The following KCNQ1 variants were observed in gnomAD, a reference collection of about 807,000 sequenced individuals.
KCNQ1 encodes the protein potassium voltage-gated channel subfamily KQT member 1.
KCNQ1 carries 49 observed loss-of-function variants against 72.4 expected under a neutral mutation model. The observed-to-expected ratio is 0.68, with a 90% CI of 0.54 to 0.86. The LOEUF is 0.86. Ranked by LOEUF, KCNQ1 falls within the 40% of genes least tolerant of loss-of-function variation. The pLI is 0.00. For missense variants in KCNQ1, 790 were observed against 945.1 expected, an observed-to-expected ratio of 0.84 and a Z score of 2.15; for synonymous variants, 450 against 412.6, an observed-to-expected ratio of 1.09 and a Z score of -1.10.
At chr11:2,511,708 C>T (rs1048440831) in intron 1 of KCNQ1, among the ~76,000 whole-genome samples, 3 of 152,194 alleles carry the variant, frequency 2.0e-5, no homozygotes, top group Non-Finnish European at 2.9e-5. Flanking sequence ...GCCACTTCCT[C>T]CCTCCAGGCC....
At chr11:2,760,437 G>GC (rs1470262010) in intron 11 of KCNQ1, among the ~76,000 whole-genome samples, 2 of 152,224 alleles carry the variant, frequency 1.3e-5, no homozygotes, top group African/African-American at 4.8e-5. Context: ...GTCAGTGGGT[G>GC]CATGAATGAG....
At chr11:2,533,727 C>G (rs1486554526) in intron 2 of KCNQ1, among the ~76,000 whole-genome samples, 2 of 152,244 alleles carry the variant, frequency 1.3e-5, no homozygotes, top group Non-Finnish European at 2.9e-5. Context: ...CCAGCTGCTG[C>G]TAGAAACTGG....
rs749046608 is a variant in KCNQ1, at chr11:2,658,047, A to G, written c.1394-3914A>G. 3.7e-4 allele frequency: 149 copies of G among 398,490 alleles called. No individual in the cohort carries two copies. The highest frequency in any genetic ancestry group is 7.6e-4 in the South Asian group (6 of 7,866). 24.7% of individuals were successfully genotyped at this position (398,490 alleles called of 1,614,324 possible). ...CTTAGTCTTTAGAAGCGAGTCACTA[A>G]GTATAGCCCACACTCAAGGTGGGGA... On this transcript the variant is annotated intron_variant, in intron 10 of 15. Transcript: ENST00000155840. The surrounding 1 kb of genome is among the most constrained non-coding windows in gnomAD (Gnocchi z 4.9).
At chr11:2,847,515 C>A (rs1244114116) in intron 15 of KCNQ1, among the ~76,000 whole-genome samples, 6 of 152,214 alleles carry the variant, frequency 3.9e-5, no homozygotes, top group Non-Finnish European at 7.3e-5. Context: ...TGCCTGTGGA[C>A]ACATATAGGG....
At chr11:2,561,284 G>A (rs888741339) in intron 2 of KCNQ1, among the ~76,000 whole-genome samples, 1 of 152,200 alleles carries the variant, frequency 6.6e-6, no homozygotes, top group Non-Finnish European at 1.5e-5. Context: ...CAGCCAGGAA[G>A]GCCAGGTGAC....
intron 10 of KCNQ1, chr11:2,632,298 C>T (rs541584094): frequency 1.7e-4 from 66 of 397,960 alleles, no homozygotes; most frequent in Non-Finnish European, 2.4e-4. Context: ...GGGATTTCTA[C>T]AAATATGATC....
rs930527357 is a variant in KCNQ1 at position 2,745,952 on chromosome 11, C to T, written c.1515-22892C>T. Among the ~76,000 whole-genome samples the T allele has an allele frequency of 2.0e-5, 3 of 152,168 alleles. No individual in the cohort carries two copies. The highest frequency in any genetic ancestry group is 4.1e-4 in the South Asian group (2 of 4,824). The stretch of plus-strand genomic sequence containing the variant: ...TCACCCAGGCTGGAGTGCAGTGGTG[C>T]GATCTCGGCTCACTGCAAACTCCAC... On this transcript the variant is annotated intron_variant, in intron 11 of 15. Transcript: ENST00000155840. This position sits in a 1 kb window ranked among gnomAD's most constrained non-coding sequence, Gnocchi z 6.2.
rs1022726066 is a variant in KCNQ1 at position 2,735,160 on chromosome 11, A to G, written c.1515-33684A>G. 6.6e-6 allele frequency among the ~76,000 whole-genome samples: 1 copy of G among 152,126 alleles called. No homozygotes were observed. Among genetic ancestry groups the G allele is most frequent in the Non-Finnish European group, 1.5e-5 (1 of 68,000 alleles). ...AACCTGACAGCAGCGCCGCAGCAGG[A>G]CAGGGAGGGACTGTGTGTGAGAGCC... On this transcript the variant is annotated intron_variant, in intron 11 of 15. Transcript: ENST00000155840. The surrounding 1 kb of genome is among the most constrained non-coding windows in gnomAD (Gnocchi z 7.7).
At chr11:2,456,428 G>C (rs930636702) in intron 1 of KCNQ1, among the ~76,000 whole-genome samples, 1 of 151,904 alleles carries the variant, frequency 6.6e-6, no homozygotes, top group Non-Finnish European at 1.5e-5. Context: ...GTCCTCAAAA[G>C]CAATTGCAAC....
At chr11:2,675,977 C>T in intron 11 of KCNQ1, 1 of 398,642 alleles carries the variant, frequency 2.5e-6, no homozygotes, top group Non-Finnish European at 4.4e-6. Context: ...TGAAAAATAA[C>T]ACTCTCCCCA....
At chr11:2,529,846 G>A (rs371239147) in intron 2 of KCNQ1, among the ~76,000 whole-genome samples, 6 of 152,106 alleles carry the variant, frequency 3.9e-5, no homozygotes, top group Admixed American at 6.5e-5. Flanking sequence ...GCTGCCAGGC[G>A]GGGGGTGCGC....
In KCNQ1 at chr11:2,593,249, C is replaced by T. The variant is rs1341565034; in HGVS notation, c.1393+4395C>T. Among the ~76,000 whole-genome samples the T allele has an allele frequency of 2.6e-5, 4 of 152,172 alleles. No individual in the cohort carries two copies. Among genetic ancestry groups the T allele is most frequent in the Non-Finnish European group, 5.9e-5 (4 of 68,026 alleles). ...TGGCCGGAGGTGGCCTCCTGAATGC[C>T]CCTAGGAGGCCAGAGGAGACTTCCC... is the stretch of plus-strand genomic sequence containing the variant. On this transcript the variant is annotated intron_variant, in intron 10 of 15. Coordinates refer to ENST00000155840, the MANE Select transcript of KCNQ1 (RefSeq NM_000218.3). The surrounding 1 kb of genome is among the most constrained non-coding windows in gnomAD (Gnocchi z 6.9).
rs188302807 is a variant in KCNQ1 at position 2,482,657 on chromosome 11, C to T, written c.386+37173C>T. ...ACTGACTCCCCCCGCCAACCCCCAC[C>T]CCACACTGCACCACAAAGCTGGGTA... On this transcript the variant is annotated intron_variant, in intron 1 of 15. Transcript: ENST00000155840. The surrounding 1 kb of genome is among the most constrained non-coding windows in gnomAD (Gnocchi z 5.7). 4.3e-4 allele frequency among the ~76,000 whole-genome samples: 66 copies of T among 152,260 alleles called. No individual in the cohort carries two copies. Among genetic ancestry groups the T allele is most frequent in the Non-Finnish European group, 8.5e-4 (58 of 68,022 alleles).
At chr11:2,650,597 C>G (rs1309236960) in intron 10 of KCNQ1, 1 of 398,494 alleles carries the variant, frequency 2.5e-6, no homozygotes, top group Non-Finnish European at 4.4e-6. Context: ...CAAGAAGGCT[C>G]CTTAGAGGTA....
rs1846553260 is a variant in KCNQ1, at chr11:2,769,401, G to A, written c.1590+482G>A. On this transcript the variant is annotated intron_variant, in intron 12 of 15. Transcript: ENST00000155840. This position sits in a 1 kb window ranked among gnomAD's most constrained non-coding sequence, Gnocchi z 4.6. Reference sequence around the variant, plus strand: ...TCCACCCTCTGTGAGTTGGGAGGATGGAGGGAGGCTGGGCCCTGCTCTGTA... The same window carrying A: ...TCCACCCTCTGTGAGTTGGGAGGATAGAGGGAGGCTGGGCCCTGCTCTGTA... Among the ~76,000 whole-genome samples, 1 of 152,192 alleles carries A rather than the reference G, an allele frequency of 6.6e-6. No individual in the cohort carries two copies. The highest frequency in any genetic ancestry group is 2.1e-4 in the South Asian group (1 of 4,830).
Position 2,498,481 on chromosome 11 carries a change from C to T in KCNQ1, c.387-29447C>T, listed in dbSNP as rs180682694. On this transcript the variant is annotated intron_variant, in intron 1 of 15. Coordinates refer to ENST00000155840, the MANE Select transcript of KCNQ1 (RefSeq NM_000218.3). This position sits in a 1 kb window ranked among gnomAD's most constrained non-coding sequence, Gnocchi z 4.8. Reference sequence around the variant, plus strand: ...TCCAAGCCTCCCAGCCTCCTTAGCACTATCAGGGGAAAACCGCCTACTAAA... The same window carrying T: ...TCCAAGCCTCCCAGCCTCCTTAGCATTATCAGGGGAAAACCGCCTACTAAA... Among the ~76,000 whole-genome samples the T allele has an allele frequency of 2.3e-3, 345 of 152,308 alleles. 1 individual carries two copies. Among genetic ancestry groups the T allele is most frequent in the African/African-American group, 8.1e-3 (338 of 41,572 alleles).
intron 15 of KCNQ1, among the ~76,000 whole-genome samples, chr11:2,798,065 G>T (rs116463395): frequency 0.034 from 5,218 of 152,262 alleles, 104 homozygotes; most frequent in South Asian, 0.12. Context: ...GGACAATACT[G>T]AGTCTTGAGT....
In KCNQ1 at chr11:2,817,603, G is replaced by GCTGGGCAGAGCCCTGGGCAGAGCC. The variant is rs58002815; in HGVS notation, c.1795-30145_1795-30144insGAGCCCTGGGCAGAGCCCTGGGCA. ...GTCCCTGGCCAGGGAGGTGGAGGAC[G>GCTGGGCAGAGCCCTGGGCAGAGCC]CTGGGCAGAGCCCTGGGCATTAACT... On this transcript the variant is annotated intron_variant, in intron 15 of 15. Transcript: ENST00000155840. The surrounding 1 kb of genome is among the most constrained non-coding windows in gnomAD (Gnocchi z 6.1). Among the ~76,000 whole-genome samples, 4 of 151,838 alleles carry GCTGGGCAGAGCCCTGGGCAGAGCC rather than the reference G, an allele frequency of 2.6e-5. No homozygotes were observed. The highest frequency in any genetic ancestry group is 5.9e-5 in the Non-Finnish European group (4 of 67,924).
intron 1 of KCNQ1, among the ~76,000 whole-genome samples, chr11:2,485,791 A>G (rs994147062): frequency 3.9e-5 from 6 of 152,002 alleles, no homozygotes; most frequent in Admixed American, 2.0e-4. Context: ...TGAGTACTCT[A>G]TTTGTCTTTT....
Sources: gnomAD v4.1 joint callset for allele counts (sites outside exome capture counted in the v4.1 genomes callset) on GRCh38, gnomAD v4.1.1 for gene constraint, Gnocchi (gnomAD v3.1) non-coding constraint, MANE v1.5 for transcripts, NCBI Gene and HGNC (gene_info 2026-07-23, HGNC 2026-07-21) for gene names.